Variants in GRID1 observed in about 807,000 individuals in gnomAD.
The protein encoded by GRID1 is glutamate receptor ionotropic, delta-1.
A neutral mutation model predicts 98.0 loss-of-function variants in GRID1; 28 were observed. That is an observed-to-expected ratio of 0.29 (90% CI 0.21 to 0.39). The LOEUF (loss-of-function observed/expected upper bound fraction) is 0.39. Ranked by LOEUF, GRID1 falls within the 10% of genes least tolerant of loss-of-function variation. The pLI is 1.00. For synonymous variants in GRID1, 553 were observed against 538.5 expected (o/e 1.03, Z -0.37); for missense variants, 1,111 against 1,340.5 (o/e 0.83, Z 2.67).
intron 4 of GRID1, among the ~76,000 whole-genome samples, chr10:85,999,537 A>G (rs1842780571): frequency 6.6e-6 from 1 of 152,224 alleles, no homozygotes; most frequent in Admixed American, 6.5e-5. Flanking sequence ...AATATCCCTC[A>G]TGAACATAGA....
rs970019444 is a variant in GRID1 at position 85,918,977 on chromosome 10, A to G, written c.727-2738T>C. ...TTAAAAAAGAGGGTCCCCAGGCCCC[A>G]CTGCTAGGGATCCTAATTCACTGGT... On this transcript the variant is annotated intron_variant, in intron 4 of 15. Coordinates refer to ENST00000327946, the MANE Select transcript of GRID1 (RefSeq NM_017551.3). Among the ~76,000 whole-genome samples the G allele has an allele frequency of 6.6e-5, 10 of 152,354 alleles. No individual in the cohort carries two copies. In the East Asian group the frequency reaches 1.9e-3, roughly 29 times the overall value.
At chr10:85,987,965 A>G (rs1262109358) in intron 4 of GRID1, among the ~76,000 whole-genome samples, 1 of 152,148 alleles carries the variant, frequency 6.6e-6, no homozygotes, top group Non-Finnish European at 1.5e-5. Context: ...GGTAATCATC[A>G]GGTTTGTCAC....
At chr10:85,796,878 A>G (rs1362860507) in intron 8 of GRID1, among the ~76,000 whole-genome samples, 1 of 152,228 alleles carries the variant, frequency 6.6e-6, no homozygotes, top group Non-Finnish European at 1.5e-5. Flanking sequence ...CGTCATAAAA[A>G]TATTTTCAGA....
intron 8 of GRID1, among the ~76,000 whole-genome samples, chr10:85,816,782 G>GT (rs1289751063): frequency 1.3e-5 from 2 of 152,154 alleles, no homozygotes; most frequent in African/African-American, 4.8e-5. Context: ...GGGATTTGGT[G>GT]TTCAAATAAT....
intron 4 of GRID1, among the ~76,000 whole-genome samples, chr10:85,918,533 C>A (rs981728187): frequency 7.2e-5 from 11 of 152,172 alleles, no homozygotes; most frequent in Admixed American, 6.5e-5. Flanking sequence ...TGATGAAGGA[C>A]AATGCACACT....
At chr10:86,120,923 C>T (rs1449329305) in intron 4 of GRID1, among the ~76,000 whole-genome samples, 2 of 152,120 alleles carry the variant, frequency 1.3e-5, no homozygotes, top group Non-Finnish European at 2.9e-5. Context: ...GGCTGGGCTC[C>T]CAACATACCT....
chr10:85,821,367 A>G (rs913964079), intron 8 of GRID1, among the ~76,000 whole-genome samples: 8 of 151,492 alleles, frequency 5.3e-5, no homozygotes, highest in Non-Finnish European at 1.0e-4. Flanking sequence ...AAATACAAAA[A>G]TTAGCTGGGC....
chr10:85,909,588 C>T (rs1416491292), intron 5 of GRID1, among the ~76,000 whole-genome samples: 1 of 152,174 alleles, frequency 6.6e-6, no homozygotes, highest in Non-Finnish European at 1.5e-5. Context: ...AGAACTATTG[C>T]TACACATTGC....
At chr10:86,121,784 T>C (rs1400162741) in intron 4 of GRID1, among the ~76,000 whole-genome samples, 2 of 152,144 alleles carry the variant, frequency 1.3e-5, no homozygotes. Context: ...ATCCCTACTT[T>C]AGATATAAGA....
intron 2 of GRID1, among the ~76,000 whole-genome samples, chr10:86,294,608 G>A (rs1251468572): frequency 6.6e-6 from 1 of 152,188 alleles, no homozygotes; most frequent in Non-Finnish European, 1.5e-5. Context: ...AGATGGAGAA[G>A]CCTCACGGGG....
chr10:86,230,472 C>T (rs553265907), intron 2 of GRID1, among the ~76,000 whole-genome samples: 45 of 152,302 alleles, frequency 3.0e-4, no homozygotes, highest in African/African-American at 1.0e-3. Context: ...AACCAAAGGA[C>T]AGCAGACAGA....
At chr10:86,252,138 G>C (rs1846845877) in intron 2 of GRID1, among the ~76,000 whole-genome samples, 2 of 152,210 alleles carry the variant, frequency 1.3e-5, no homozygotes, top group Non-Finnish European at 2.9e-5. Context: ...CACGGCCCTA[G>C]GGTGCTCTCC....
chr10:85,821,537 A>AC (rs1175800868), intron 8 of GRID1, among the ~76,000 whole-genome samples: 1,732 of 145,686 alleles, frequency 0.012, 181 homozygotes, highest in African/African-American at 0.041. Flanking sequence ...AAAAAAAAAA[A>AC]AAAAAAAAGA....
intron 4 of GRID1, among the ~76,000 whole-genome samples, chr10:86,100,117 C>A (rs1215373815): frequency 6.6e-6 from 1 of 152,172 alleles, no homozygotes; most frequent in Non-Finnish European, 1.5e-5. Context: ...GGGCAAATAA[C>A]AGCCTCTCCA....
rs146407704 is a variant in GRID1 at position 86,185,865 on chromosome 10, T to C, written c.520+20499A>G. Among the ~76,000 whole-genome samples the C allele has an allele frequency of 2.6e-5, 4 of 152,348 alleles. No individual in the cohort carries two copies. The East Asian group carries it at 7.7e-4, about 29-fold the overall frequency. ...GTTACTAATCTTTTGTTGAAGTTCT[T>C]ATGAAGGACATCAGTTTAATTTGCT... On this transcript the variant is annotated intron_variant, in intron 3 of 15. Coordinates refer to ENST00000327946, the MANE Select transcript of GRID1 (RefSeq NM_017551.3).
intron 4 of GRID1, among the ~76,000 whole-genome samples, chr10:85,963,560 C>A (rs1842298626): frequency 6.6e-6 from 1 of 152,176 alleles, no homozygotes; most frequent in African/African-American, 2.4e-5. Flanking sequence ...CTGATGATCT[C>A]CCCATCCTCC....
intron 4 of GRID1, among the ~76,000 whole-genome samples, chr10:86,008,721 A>T (rs1000603779): frequency 2.4e-4 from 37 of 152,310 alleles, no homozygotes; most frequent in African/African-American, 8.2e-4. Context: ...CATTTTATGG[A>T]CACAGATTAA....
At chr10:85,844,040 A>C (rs753003591) in intron 8 of GRID1, among the ~76,000 whole-genome samples, 6 of 152,118 alleles carry the variant, frequency 3.9e-5, no homozygotes, top group Non-Finnish European at 7.4e-5. Flanking sequence ...ATGGTTAAAC[A>C]AATAGTGAGG....
intron 8 of GRID1, among the ~76,000 whole-genome samples, chr10:85,851,942 C>T (rs558078869): frequency 6.6e-6 from 1 of 152,098 alleles, no homozygotes; most frequent in Admixed American, 6.5e-5. Flanking sequence ...CCCCGATTTC[C>T]CAGCCCCACC....
Sources: gnomAD v4.1 joint callset for allele counts (sites outside exome capture counted in the v4.1 genomes callset) on GRCh38, gnomAD v4.1.1 for gene constraint, MANE v1.5 for transcripts, NCBI Gene and HGNC (gene_info 2026-07-23, HGNC 2026-07-21) for gene names.